The following PRRT1B variants were observed in gnomAD, a reference collection of about 807,000 sequenced individuals.
The protein encoded by PRRT1B is dispanin subfamily D member 2.
At chr9:131,555,689 AAAAT>A (rs1443962157) in intron 2 of PRRT1B, among the ~76,000 whole-genome samples, 4 of 152,038 alleles carry the variant, frequency 2.6e-5, no homozygotes, top group Non-Finnish European at 5.9e-5. Flanking sequence ...AATAAAAACA[AAAAT>A]AAAAATAAAA....
intron 1 of PRRT1B, 39 bp from the exon 2 acceptor site, chr9:131,554,518 G>T (rs1461045690): frequency 5.2e-6 from 2 of 386,228 alleles, no homozygotes; most frequent in Middle Eastern, 6.6e-4. Flanking sequence ...CACCTAGCCC[G>T]GCGGCCTCTT....
In PRRT1B at chr9:131,558,016, C is replaced by G. The variant is rs536118407; in HGVS notation, c.643-37C>G. 2.8e-5 allele frequency: 11 copies of G among 398,696 alleles called. No individual in the cohort carries two copies. The East Asian group carries it at 3.2e-4, about 12-fold the overall frequency. The allele number at this position is 398,696 out of a possible 1,614,324, so 24.7% of individuals were successfully genotyped here. On this transcript the variant is annotated intron_variant, in intron 3 of 3. Coordinates refer to ENST00000636672, the Ensembl canonical transcript of PRRT1B. ...TGGGAGGGAGTGGGGGCTCCCTGTT[C>G]GCTCCCACCGCCCCCTCCTGCCCTG...
chr9:131,552,399 T>C (rs1208841597), intron 1 of PRRT1B, among the ~76,000 whole-genome samples: 2 of 152,234 alleles, frequency 1.3e-5, no homozygotes, highest in East Asian at 3.8e-4. Flanking sequence ...GTCTTTTCCT[T>C]TGAGCATTGG....
chr9:131,549,139 C>T (rs1416873220), intron 1 of PRRT1B, among the ~76,000 whole-genome samples: 1 of 152,166 alleles, frequency 6.6e-6, no homozygotes, highest in Non-Finnish European at 1.5e-5. Flanking sequence ...AAATTAAATT[C>T]CGGCCCTCAA....
intron 1 of PRRT1B, among the ~76,000 whole-genome samples, chr9:131,546,628 C>T (rs1288060045): frequency 6.6e-6 from 1 of 151,904 alleles, no homozygotes; most frequent in Non-Finnish European, 1.5e-5. Flanking sequence ...TCCCCGCCGC[C>T]CCGCCCTCCA....
At chr9:131,553,887 T>C (rs1951028292) in intron 1 of PRRT1B, among the ~76,000 whole-genome samples, 1 of 152,184 alleles carries the variant, frequency 6.6e-6, no homozygotes, top group Non-Finnish European at 1.5e-5. Flanking sequence ...TGTTGGGACC[T>C]GACCAGGCAC....
At chr9:131,558,142 C>A (rs147110490) in exon 4 of PRRT1B, 6 of 400,926 alleles carry the variant, frequency 1.5e-5, no homozygotes, top group African/African-American at 6.2e-5. Context: ...GCCTGCTCTT[C>A]GGGGTCTTCG....
chr9:131,545,784 G>C (rs1265007438), intron 1 of PRRT1B, 144 bp downstream of exon 1: 2 of 400,450 alleles, frequency 5.0e-6, no homozygotes, highest in Admixed American at 4.4e-5. Context: ...GGGTGCTGGA[G>C]GGGGTGTAAG....
chr9:131,546,717 G>C (rs1950977979), intron 1 of PRRT1B, among the ~76,000 whole-genome samples: 1 of 151,934 alleles, frequency 6.6e-6, no homozygotes, highest in African/African-American at 2.4e-5. Context: ...CCTGGCGGAG[G>C]CTCCGGTGTC....
intron 1 of PRRT1B, among the ~76,000 whole-genome samples, chr9:131,549,178 C>T (rs1325116426): frequency 3.9e-5 from 6 of 152,184 alleles, no homozygotes; most frequent in Non-Finnish European, 8.8e-5. Context: ...ATTAACCTTG[C>T]CTTCAAGGTG....
chr9:131,554,389 AGCAAG>A (rs748665924), intron 1 of PRRT1B, among the ~76,000 whole-genome samples, 163 bp from the exon 2 acceptor site: 28 of 152,178 alleles, frequency 1.8e-4, no homozygotes, highest in Non-Finnish European at 2.9e-4. Context: ...GTGTGACTCC[AGCAAG>A]GCAGGTGGCC....
At chr9:131,557,974 C>T (rs568327570) in intron 3 of PRRT1B, 79 bp from the exon 4 acceptor site, 1 of 398,236 alleles carries the variant, frequency 2.5e-6, no homozygotes, top group South Asian at 1.3e-4. Flanking sequence ...GGAACTGGGC[C>T]TAGCCCTCAA....
At chr9:131,558,406 C>T (rs1951064285) in exon 4 of PRRT1B, 1 of 389,534 alleles carries the variant, frequency 2.6e-6, no homozygotes, top group African/African-American at 2.1e-5. Context: ...AGGTGGCCCA[C>T]TGGAGCCTCA....
At chr9:131,555,187 G>A (rs1008671819) in intron 2 of PRRT1B, among the ~76,000 whole-genome samples, 158 bp downstream of exon 2, 3 of 152,146 alleles carry the variant, frequency 2.0e-5, no homozygotes, top group Non-Finnish European at 1.5e-5. Flanking sequence ...TTTGGAGGAT[G>A]AATAGGAGGG....
chr9:131,558,453 C>A (rs1951064646), exon 4 of PRRT1B: 5 of 348,218 alleles, frequency 1.4e-5, no homozygotes, highest in Admixed American at 4.8e-5. Context: ...CAGAGCCCGG[C>A]CCCAGCCGTG....
At chr9:131,554,313 G>A (rs1951031465) in intron 1 of PRRT1B, among the ~76,000 whole-genome samples, 1 of 152,040 alleles carries the variant, frequency 6.6e-6, no homozygotes, top group Non-Finnish European at 1.5e-5. Context: ...AGGAAAGGGG[G>A]TGGGACAGTG....
In PRRT1B at chr9:131,551,392, C is replaced by T. The variant is rs562398058; in HGVS notation, c.26-3165C>T. 5.3e-5 allele frequency among the ~76,000 whole-genome samples: 8 copies of T among 152,238 alleles called. No homozygotes were observed. Among genetic ancestry groups the T allele is most frequent in the African/African-American group, 1.4e-4 (6 of 41,534 alleles). ...TCTCTCCCACTCTAGGTTCCCACGC[C>T]GCCCCTAATCTCGCTTGAAGCAGCC... On this transcript the variant is annotated intron_variant, in intron 1 of 3. Coordinates refer to ENST00000636672, the Ensembl canonical transcript of PRRT1B. This position sits in a 1 kb window ranked among gnomAD's most constrained non-coding sequence, Gnocchi z 4.4.
chr9:131,554,734 G>A (rs1203007408), exon 2 of PRRT1B: 4 of 332,544 alleles, frequency 1.2e-5, no homozygotes, highest in East Asian at 4.6e-5. Context: ...GCCGCGGGGG[G>A]CAGCGAGCCC....
Position 131,556,332 on chromosome 9 carries a change from G to A in PRRT1B, c.642+119G>A, listed in dbSNP as rs1387241580. 6.5e-5 allele frequency: 26 copies of A among 397,428 alleles called. No individual in the cohort carries two copies. The East Asian group carries it at 8.9e-4, about 14-fold the overall frequency. 24.6% of individuals were successfully genotyped at this position (397,428 alleles called of 1,614,324 possible). ...TCTCTGGTGTCTCTCCCTCTGGAGG[G>A]GGGTGGGAATTGGGAAGTCAGAGCC... is the stretch of plus-strand genomic sequence containing the variant. On this transcript the variant is annotated intron_variant, in intron 3 of 3. Transcript: ENST00000636672.
Sources: allele counts gnomAD v4.1 joint callset (sites outside exome capture counted in the v4.1 genomes callset), GRCh38; gene constraint gnomAD v4.1.1; non-coding constraint Gnocchi (gnomAD v3.1); transcripts MANE v1.5; gene names NCBI Gene and HGNC (gene_info 2026-07-23, HGNC 2026-07-21).